The following EPS8 variants were observed in gnomAD, a reference collection of about 807,000 sequenced individuals.
The protein encoded by EPS8 is epidermal growth factor receptor kinase substrate 8.
EPS8 carries 42 observed loss-of-function variants against 103.8 expected under a neutral mutation model. That is an observed-to-expected ratio of 0.40 (90% CI 0.32 to 0.52). The LOEUF is 0.52. Ranked by LOEUF, EPS8 falls within the 20% of genes least tolerant of loss-of-function variation. EPS8 has a pLI of 0.40. For synonymous variants in EPS8, 344 were observed against 344.6 expected, an observed-to-expected ratio of 1.00 and a Z score of 0.02; for missense variants, 969 against 1,005.1, an observed-to-expected ratio of 0.96 and a Z score of 0.49.
intron 1 of EPS8, among the ~76,000 whole-genome samples, chr12:15,770,464 TCA>T (rs1947142487): frequency 6.6e-6 from 1 of 152,078 alleles, no homozygotes; most frequent in Non-Finnish European, 1.5e-5. Flanking sequence ...CAAAAAGCTC[TCA>T]CTGTCTTACT....
At chr12:15,635,311 T>C (rs76824910) in intron 17 of EPS8, among the ~76,000 whole-genome samples, 2,598 of 152,280 alleles carry the variant, frequency 0.017, 88 homozygotes, top group African/African-American at 0.06. Flanking sequence ...GTGGGTATTA[T>C]TCAAATTATC....
At position 15,654,233 on chromosome 12, in the gene EPS8, T is replaced by C; in HGVS notation, c.1162A>G (p.Lys388Glu). 2 of 1,613,636 alleles carry C rather than the reference T, an allele frequency of 1.2e-6. No homozygotes were observed. The highest frequency in any genetic ancestry group is 1.7e-6 in the Non-Finnish European group (2 of 1,179,598). ...TAATTTAAGAAATCAATTGTGTCCT[T>C]ATTCAATAGGGGACTAAGTACTGAA... Reference protein sequence around the residue: ...ASSVLSPLLNKDTIDFLNYTV... With the variant: ...ASSVLSPLLNEDTIDFLNYTV... The change falls in exon 13 of 21, where the codon AAG becomes GAG. Residue 388 changes from lysine (K) to glutamate (E), a missense_variant. Coordinates refer to ENST00000281172, the MANE Select transcript of EPS8 (RefSeq NM_004447.6).
intron 10 of EPS8, among the ~76,000 whole-genome samples, chr12:15,659,720 T>G (rs1353644775): frequency 6.6e-6 from 1 of 152,198 alleles, no homozygotes; most frequent in African/African-American, 2.4e-5. Context: ...TTTATATCTT[T>G]CAATCTCTAC....
intron 3 of EPS8, among the ~76,000 whole-genome samples, chr12:15,673,324 A>C (rs1398363504): frequency 6.6e-6 from 1 of 150,732 alleles, no homozygotes; most frequent in Non-Finnish European, 1.5e-5. Flanking sequence ...CTTATAAATA[A>C]ACTAGTAGTT....
chr12:15,655,555 C>A (rs569408763), intron 12 of EPS8, among the ~76,000 whole-genome samples: 1 of 152,280 alleles, frequency 6.6e-6, no homozygotes, highest in Admixed American at 6.5e-5. Context: ...GAGAACAAAA[C>A]CTACCCTGCC....
At position 15,721,235 on chromosome 12, in the gene EPS8, C is replaced by A. The variant is rs1203281891; in HGVS notation, c.-21-38263G>T. On this transcript the variant is annotated intron_variant, in intron 1 of 20. Transcript: ENST00000281172. The surrounding 1 kb of genome is among the most constrained non-coding windows in gnomAD (Gnocchi z 4.4). The stretch of plus-strand genomic sequence containing the variant: ...GAGTAACTCAAACTTTTCCCATTCA[C>A]AATCTGTAGGAAACCCACCCATGTC... Among the ~76,000 whole-genome samples the A allele has an allele frequency of 6.6e-6, 1 of 152,150 alleles. No individual in the cohort carries two copies. The highest frequency in any genetic ancestry group is 1.5e-5 in the Non-Finnish European group (1 of 68,012).
At chr12:15,742,484 C>G (rs1480222738) in intron 1 of EPS8, among the ~76,000 whole-genome samples, 1 of 152,132 alleles carries the variant, frequency 6.6e-6, no homozygotes, top group African/African-American at 2.4e-5. Flanking sequence ...ACCAATATCC[C>G]TAATGAACAT....
At chr12:15,672,468 TTGGA>T in intron 3 of EPS8, 1 of 398,548 alleles carries the variant, frequency 2.5e-6, no homozygotes, top group Non-Finnish European at 4.4e-6. Context: ...CTTTTTTTGT[TTGGA>T]TGATGACCTG....
At chr12:15,741,572 G>GC (rs978455054) in intron 1 of EPS8, among the ~76,000 whole-genome samples, 6 of 152,224 alleles carry the variant, frequency 3.9e-5, no homozygotes, top group African/African-American at 1.4e-4. Flanking sequence ...CTTTGTGAGG[G>GC]CAACAAAAAT....
chr12:15,705,437 A>C (rs2135946195), intron 1 of EPS8, among the ~76,000 whole-genome samples: 1 of 152,336 alleles, frequency 6.6e-6, no homozygotes, highest in Non-Finnish European at 1.5e-5. Context: ...AAGTTTGGGT[A>C]AAACATTCAT....
chr12:15,685,902 T>C (rs1463534673), intron 1 of EPS8, among the ~76,000 whole-genome samples: 1 of 152,218 alleles, frequency 6.6e-6, no homozygotes, highest in Non-Finnish European at 1.5e-5. Context: ...TAAAGCAACC[T>C]AAAAACTAAA....
At chr12:15,659,689 A>T (rs1945570775) in intron 10 of EPS8, among the ~76,000 whole-genome samples, 1 of 152,212 alleles carries the variant, frequency 6.6e-6, no homozygotes, top group African/African-American at 2.4e-5. Context: ...ATCTGTAATG[A>T]AAGGGATATT....
chr12:15,633,763 T>C (rs1945089779), intron 17 of EPS8, among the ~76,000 whole-genome samples: 1 of 152,224 alleles, frequency 6.6e-6, no homozygotes, highest in Non-Finnish European at 1.5e-5. Flanking sequence ...TTCCAACCTC[T>C]GACATTAAAA....
rs901725572 is a variant in EPS8 at position 15,780,809 on chromosome 12, G to A, written c.-22+8352C>T. The A allele has an allele frequency of 3.3e-5, 5 of 152,112 alleles. No individual in the cohort carries two copies. The highest frequency in any genetic ancestry group is 2.6e-4 in the Admixed American group (4 of 15,280). 9.4% of individuals were successfully genotyped at this position (152,112 alleles called of 1,614,324 possible). A position where few individuals can be genotyped will look rare whatever the true frequency, so the allele number is the denominator to read the frequency against. ...CAGAACAGATACTCAACAAACACTC[G>A]ATAAAAGATGAATGAATAAACAAAT... is the stretch of plus-strand genomic sequence containing the variant. On this transcript the variant is annotated intron_variant, in intron 1 of 20. Coordinates refer to ENST00000281172, the MANE Select transcript of EPS8 (RefSeq NM_004447.6). The surrounding 1 kb of genome is among the most constrained non-coding windows in gnomAD (Gnocchi z 4.1).
intron 13 of EPS8, among the ~76,000 whole-genome samples, chr12:15,653,374 C>T (rs1007206339): frequency 4.6e-5 from 7 of 152,176 alleles, no homozygotes; most frequent in African/African-American, 1.7e-4. Context: ...CACTGAAAGC[C>T]TGCATAATCC....
intron 12 of EPS8, chr12:15,657,813 G>A (rs1591826573): frequency 2.8e-6 from 1 of 357,746 alleles, no homozygotes; most frequent in East Asian, 7.1e-5. Context: ...TGAAATACTG[G>A]TATCCAATAA....
At position 15,714,803 on chromosome 12, in the gene EPS8, A is replaced by G. The variant is rs577792801; in HGVS notation, c.-21-31831T>C. ...AACTTTAAAAGTGAAAAGCATCACTATAAATAGAATTTTTAAAATGTATTT... is the reference window on the plus strand; with the variant it reads ...AACTTTAAAAGTGAAAAGCATCACTGTAAATAGAATTTTTAAAATGTATTT... On this transcript the variant is annotated intron_variant, in intron 1 of 20. Coordinates refer to ENST00000281172, the MANE Select transcript of EPS8 (RefSeq NM_004447.6). The surrounding 1 kb of genome is among the most constrained non-coding windows in gnomAD (Gnocchi z 4.1). 2.5e-3 allele frequency among the ~76,000 whole-genome samples: 382 copies of G among 152,336 alleles called. 2 individuals carry two copies. Among genetic ancestry groups the G allele is most frequent in the African/African-American group, 8.9e-3 (368 of 41,580 alleles).
At position 15,764,800 on chromosome 12, in the gene EPS8, G is replaced by C. The variant is rs1453943712; in HGVS notation, c.-22+24361C>G. ...CCTTTAAGCTCTCATCTTGAGATAA[G>C]AACATCAGGTCTCATACTTTCTGGG... On this transcript the variant is annotated intron_variant, in intron 1 of 20. Coordinates refer to ENST00000281172, the MANE Select transcript of EPS8 (RefSeq NM_004447.6). This position sits in a 1 kb window ranked among gnomAD's most constrained non-coding sequence, Gnocchi z 4.1. 6.6e-6 allele frequency among the ~76,000 whole-genome samples: 1 copy of C among 152,098 alleles called. No homozygotes were observed. The highest frequency in any genetic ancestry group is 1.5e-5 in the Non-Finnish European group (1 of 68,022).
At position 15,640,808 on chromosome 12, in the gene EPS8, A is replaced by T; in HGVS notation, c.1716T>A (p.Asn572Lys). ...GCACAAATCCAGAGTCTCCACTTGC[A>T]TTTCGAACTTTCCACCATTGCTTCC... ...DDRKQWWKVR[N>K]ASGDSGFVPN... Residue 572 changes from asparagine to lysine, a missense_variant, in exon 17 of 21, where the codon AAT (asparagine) becomes AAA (lysine). By Grantham distance (94) the Asn-to-Lys change is moderately conservative. Transcript: ENST00000281172. 6.2e-7 allele frequency: 1 copy of T among 1,613,994 alleles called. No homozygotes were observed. Among genetic ancestry groups the T allele is most frequent in the Non-Finnish European group, 8.5e-7 (1 of 1,179,896 alleles).
Sources: gnomAD v4.1 joint callset for allele counts (sites outside exome capture counted in the v4.1 genomes callset) on GRCh38, gnomAD v4.1.1 for gene constraint, Gnocchi (gnomAD v3.1) non-coding constraint, MANE v1.5 for transcripts, NCBI Gene and HGNC (gene_info 2026-07-23, HGNC 2026-07-21) for gene names.